Variants in CYP4F12 observed in about 807,000 individuals in gnomAD.
CYP4F12 encodes cytochrome P450 4F12.
Under a neutral mutation model 56.5 loss-of-function variants are expected in CYP4F12, and 60 were observed. The ratio of observed to expected loss-of-function variants is 1.06; its 90% CI spans 0.86 to 1.32. The LOEUF is 1.32. Ranked by LOEUF, CYP4F12 falls within the 40% of genes most tolerant of loss-of-function variation. The probability of loss-of-function intolerance (pLI) is 0.00; values close to 1 mark genes in which losing one functional copy is unlikely to be tolerated. For missense variants in CYP4F12, 711 were observed against 683.5 expected (o/e 1.04, Z -0.45); for synonymous variants, 263 against 264.9 (o/e 0.99, Z 0.07).
At chr19:15,696,266 A>C in intron 11 of CYP4F12, 41 bp downstream of exon 11, 1 of 1,612,174 alleles carries the variant, frequency 6.2e-7, no homozygotes. Context: ...CCCATCCTCT[A>C]CTTTTGTGTG....
intron 9 of CYP4F12, among the ~76,000 whole-genome samples, chr19:15,695,662 T>C (rs2008094443): frequency 6.6e-6 from 1 of 152,186 alleles, no homozygotes; most frequent in Non-Finnish European, 1.5e-5. Context: ...CCATAGACAA[T>C]ATTTATTTTT....
intron 9 of CYP4F12, 31 bp from the exon 10 acceptor site, chr19:15,695,905 G>C (rs534423736): frequency 9.9e-5 from 157 of 1,592,402 alleles, no homozygotes; most frequent in Non-Finnish European, 1.3e-4. Context: ...TTGTTCCCTT[G>C]ATAATGACTG....
Position 15,696,937 on chromosome 19 carries a change from C to A in CYP4F12, c.1427C>A (p.Ala476Glu). Residue 476 changes from alanine to glutamate, a missense_variant, in exon 13 of 13, where the codon GCG becomes GAG. Ala to Glu is a moderately radical substitution (Grantham distance 107). Transcript: ENST00000550308. ...TGCATCGGGCAGGCGTTCGCCATGGCGGAGATGAAAGTGGTCCTGGCGTTG... is the reference window on the plus strand; with the variant it reads ...TGCATCGGGCAGGCGTTCGCCATGGAGGAGATGAAAGTGGTCCTGGCGTTG... ...RNCIGQAFAM[A>E]EMKVVLALML... The A allele has an allele frequency of 5.0e-6, 8 of 1,613,840 alleles. No individual in the cohort carries two copies. Among genetic ancestry groups the A allele is most frequent in the Non-Finnish European group, 6.8e-6 (8 of 1,179,822 alleles).
At position 15,673,696 on chromosome 19, in the gene CYP4F12, A is replaced by C. The variant is rs371592736; in HGVS notation, c.167A>C (p.Lys56Thr). ...RRLQCFPQPP[K>T]RNWFWGHLGL... ...CTCCAGTGTTTCCCACAGCCCCCAA[A>C]ACGGAACTGGTTTTGGGGTCACCTG... The change falls in exon 2 of 13, where the codon AAA (lysine) becomes ACA (threonine). Residue 56 changes from lysine (K) to threonine (T), a missense_variant. Coordinates refer to ENST00000550308, the MANE Select transcript of CYP4F12 (RefSeq NM_023944.4). The C allele has an allele frequency of 2.2e-5, 36 of 1,613,878 alleles. No homozygotes were observed. The highest frequency in any genetic ancestry group is 2.2e-4 in the East Asian group (10 of 44,860).
In CYP4F12 at chr19:15,683,727, G is replaced by T. The variant is rs758547781; in HGVS notation, c.882G>T (p.Lys294Asn). The T allele has an allele frequency of 2.5e-6, 4 of 1,586,802 alleles. No individual in the cohort carries two copies. The highest frequency in any genetic ancestry group is 2.3e-5 in the South Asian group (2 of 86,980). The change falls in exon 7 of 13, where the codon AAG becomes AAT. Residue 294 changes from lysine to asparagine, a missense_variant. Lys to Asn is a moderately conservative substitution (Grantham distance 94). Transcript: ENST00000550308. The part of the protein sequence containing the change: ...DDFFKDKAKS[K>N]TLDFIDVLLL... ...TTTTCAAAGACAAAGCCAAGTCCAA[G>T]ACTTTGGATTTCATTGATGTGCTTC...
chr19:15,677,065 T>A (rs1330058603), intron 2 of CYP4F12, among the ~76,000 whole-genome samples: 10 of 140,170 alleles, frequency 7.1e-5, no homozygotes, highest in Non-Finnish European at 9.4e-5. Flanking sequence ...ATTCAGTCAT[T>A]CCTGTCCTCA....
intron 8 of CYP4F12, 81 bp from the exon 9 acceptor site, chr19:15,684,987 C>T (rs565607228): frequency 1.9e-6 from 3 of 1,574,214 alleles, no homozygotes; most frequent in Middle Eastern, 1.7e-4. Context: ...TTCCCCCTCC[C>T]TCCATCCTCC....
At chr19:15,680,586 C>A in intron 5 of CYP4F12, 67 bp downstream of exon 5, 2 of 1,610,936 alleles carry the variant, frequency 1.2e-6, no homozygotes, top group South Asian at 1.1e-5. Context: ...CACATCTGGT[C>A]TGGAATTTTG....
chr19:15,683,076 G>GAGAGAGAC (rs57003855), intron 6 of CYP4F12, among the ~76,000 whole-genome samples: 9 of 149,574 alleles, frequency 6.0e-5, no homozygotes, highest in Admixed American at 2.0e-4. Flanking sequence ...GAGGGAGAGA[G>GAGAGAGAC]AGAGAGACAG....
At chr19:15,695,867 C>G in intron 9 of CYP4F12, 69 bp from the exon 10 acceptor site, 1 of 1,534,962 alleles carries the variant, frequency 6.5e-7, no homozygotes. Context: ...GTCTCATTTG[C>G]AAATAGAAAA....
chr19:15,694,017 C>G (rs1272289620), intron 9 of CYP4F12, among the ~76,000 whole-genome samples: 12 of 152,064 alleles, frequency 7.9e-5, no homozygotes, highest in African/African-American at 2.7e-4. Context: ...GGCATTAACT[C>G]TGAGGGCTCT....
rs149421893 is a variant in CYP4F12 at position 15,696,726 on chromosome 19, C to G, written c.1398-182C>G. Among the ~76,000 whole-genome samples the G allele has an allele frequency of 1.9e-3, 291 of 152,310 alleles. 1 individual carries two copies. Among genetic ancestry groups the G allele is most frequent in the African/African-American group, 6.8e-3 (283 of 41,580 alleles). On this transcript the variant is annotated intron_variant, in intron 12 of 12. Transcript: ENST00000550308. ...TCCATCTGCTGGTCTGAGCTGGGAG[C>G]TGGAGTCAGGCCCAGTCTCCGGGAC... is the stretch of plus-strand genomic sequence containing the variant.
In CYP4F12 at chr19:15,673,650, T is replaced by C. The variant is rs763993923; in HGVS notation, c.121T>C (p.Phe41Leu). The part of the protein sequence containing the change: ...LARILAWTYA[F>L]YNNCRRLQCF... ...CCGCATCCTGGCTTGGACCTATGCC[T>C]TCTATAACAACTGCCGCCGGCTCCA... The change falls in exon 2 of 13, where the codon TTC becomes CTC. Residue 41 changes from phenylalanine to leucine, a missense_variant. Physicochemically the swap from Phe to Leu is conservative, Grantham distance 22 (BLOSUM62 0). Transcript: ENST00000550308. 23 of 1,614,026 alleles carry C rather than the reference T, an allele frequency of 1.4e-5. No homozygotes were observed. In the Admixed American group the frequency reaches 3.8e-4, roughly 27 times the overall value.
At chr19:15,674,941 A>G (rs980391866) in intron 2 of CYP4F12, among the ~76,000 whole-genome samples, 15 of 144,686 alleles carry the variant, frequency 1.0e-4, no homozygotes, top group African/African-American at 4.4e-4. Flanking sequence ...GAGCCCCGAT[A>G]GACAGGCTGC....
At chr19:15,678,235 A>T (rs1362767713) in intron 2 of CYP4F12, 26 bp from the exon 3 acceptor site, 2 of 1,613,960 alleles carry the variant, frequency 1.2e-6, no homozygotes, top group South Asian at 2.2e-5. Context: ...CATCACAGGA[A>T]GTGACAGCCC....
chr19:15,696,124 G>T, intron 10 of CYP4F12, 37 bp from the exon 11 acceptor site: 2 of 1,611,692 alleles, frequency 1.2e-6, no homozygotes, highest in Non-Finnish European at 1.7e-6. Flanking sequence ...GTTCCCTCAG[G>T]GGATCCTTGT....
At chr19:15,694,353 CTT>C (rs1435220498) in intron 9 of CYP4F12, among the ~76,000 whole-genome samples, 1 of 152,176 alleles carries the variant, frequency 6.6e-6, no homozygotes, top group Non-Finnish European at 1.5e-5. Flanking sequence ...TTTGCACCCT[CTT>C]TTATTTCATT....
At position 15,678,630 on chromosome 19, in the gene CYP4F12, G is replaced by A. The variant is rs74479696; in HGVS notation, c.343+225G>A. 2.4e-3 allele frequency: 1,332 copies of A among 560,384 alleles called. 16 individuals are homozygous for A. Among genetic ancestry groups the A allele is most frequent in the African/African-American group, 0.022 (1,169 of 53,428 alleles). The allele number at this position is 560,384 out of a possible 1,614,324, so 34.7% of individuals were successfully genotyped here. The stretch of plus-strand genomic sequence containing the variant: ...TCTGGAAGGAACCCCCATGCTTAAG[G>A]ACACGGGTCTAGACAGAGACATTTC... On this transcript the variant is annotated intron_variant, in intron 3 of 12. Coordinates refer to ENST00000550308, the MANE Select transcript of CYP4F12 (RefSeq NM_023944.4).
rs199674848 is a variant in CYP4F12 at position 15,695,973 on chromosome 19, G to A, written c.1153G>A (p.Val385Met). 112 of 1,613,866 alleles carry A rather than the reference G, an allele frequency of 6.9e-5. 2 individuals are homozygous for A. The East Asian group carries it at 1.2e-3, about 17-fold the overall frequency. The change falls in exon 10 of 13, where the codon GTG becomes ATG. Residue 385 changes from valine (V) to methionine (M), a missense_variant. Transcript: ENST00000550308. ...CCAGCTGCCCTTCCTGACCATGTGC[G>A]TGAAGGAGAGCCTGAGGTTACATCC... ...LAQLPFLTMC[V>M]KESLRLHPPA...
Sources: gnomAD v4.1 joint callset for allele counts (sites outside exome capture counted in the v4.1 genomes callset) on GRCh38, gnomAD v4.1.1 for gene constraint, MANE v1.5 for transcripts, NCBI Gene and HGNC (gene_info 2026-07-23, HGNC 2026-07-21) for gene names.